The following NUP210 variants were observed in gnomAD, a reference collection of about 807,000 sequenced individuals.
The protein encoded by NUP210 is nucleoporin 210.
In NUP210, 151 loss-of-function variants were observed where a neutral mutation model predicts 196.0. That is an observed-to-expected ratio of 0.77 (90% CI 0.67 to 0.88). The LOEUF (loss-of-function observed/expected upper bound fraction) is 0.88. Among genes scored for constraint, NUP210 ranks in the 40% least tolerant of loss-of-function variants. The probability of loss-of-function intolerance (pLI) is 0.00; values close to 1 mark genes in which losing one functional copy is unlikely to be tolerated. For synonymous variants in NUP210, 1,070 were observed against 1,052.7 expected (o/e 1.02, Z -0.32); for missense variants, 2,314 against 2,493.7 (o/e 0.93, Z 1.53).
At chr3:13,325,753 A>G (rs760634626) in intron 33 of NUP210, 42 bp downstream of exon 33, 2 of 1,601,758 alleles carry the variant, frequency 1.2e-6, no homozygotes, top group South Asian at 1.1e-5. Context: ...CCCGCCTCAC[A>G]GGCCACTGAG....
chr3:13,359,221 C>G (rs9811159), intron 15 of NUP210, among the ~76,000 whole-genome samples: 88,206 of 152,078 alleles, frequency 0.58, 26,764 homozygotes, highest in African/African-American at 0.76. Flanking sequence ...TTGGGAGGGC[C>G]CTAGAGGTAA....
At position 13,355,241 on chromosome 3, in the gene NUP210, G is replaced by C. The variant is rs557111145; in HGVS notation, c.2329-1134C>G. ...CTAGTTTTCCATTCGGGGAGAGGGG[G>C]ATCCTGCAGGAAGAACTACCCTTCT... On this transcript the variant is annotated intron_variant, in intron 16 of 39. Transcript: ENST00000254508. Among the ~76,000 whole-genome samples the C allele has an allele frequency of 4.6e-5, 7 of 152,320 alleles. No homozygotes were observed. In the South Asian group the frequency reaches 1.5e-3, roughly 32 times the overall value.
chr3:13,386,430 C>T (rs556688861), intron 5 of NUP210, 23 bp from the exon 6 acceptor site: 61 of 1,613,272 alleles, frequency 3.8e-5, no homozygotes, highest in Non-Finnish European at 4.8e-5. Flanking sequence ...AAAAGGCAGA[C>T]AAAGTGAGGT....
chr3:13,349,282 CTCGGTCAGGTGAT>C (rs1299393195), intron 20 of NUP210, among the ~76,000 whole-genome samples: 2 of 152,250 alleles, frequency 1.3e-5, no homozygotes, highest in African/African-American at 4.8e-5. Context: ...ACCCCCAGCT[CTCGGTCAGGTGAT>C]TCGTTTCCTA....
intron 1 of NUP210, among the ~76,000 whole-genome samples, chr3:13,410,169 AT>A (rs570689488): frequency 1.5e-4 from 21 of 144,434 alleles, no homozygotes; most frequent in Non-Finnish European, 2.6e-4. Context: ...GCTATTACTG[AT>A]TTTTTTTTCC....
At chr3:13,320,060 G>T in intron 36 of NUP210, 81 bp from the exon 37 acceptor site, 1 of 1,299,706 alleles carries the variant, frequency 7.7e-7, no homozygotes, top group Non-Finnish European at 1.1e-6. Flanking sequence ...CCCCGAGGCG[G>T]GAGGGCTGCT....
At position 13,371,927 on chromosome 3, in the gene NUP210, C is replaced by A. The variant is rs779134650; in HGVS notation, c.1693G>T (p.Gly565Cys). Residue 565 changes from glycine (G) to cysteine (C), a missense_variant, in exon 13 of 40, where the codon GGC becomes TGC. Coordinates refer to ENST00000254508, the MANE Select transcript of NUP210 (RefSeq NM_024923.4). Reference protein sequence around the residue: ...LPLRISGLMPGGASEVVTLSD... With the variant: ...LPLRISGLMPCGASEVVTLSD... ...AAGGTGACCACCTCACTGGCCCCGC[C>A]GGGCATGAGGCCACTGATCCTCAGG... 1.2e-6 allele frequency: 2 copies of A among 1,608,196 alleles called. No homozygotes were observed. Among genetic ancestry groups the A allele is most frequent in the Admixed American group, 1.7e-5 (1 of 59,344 alleles).
chr3:13,325,975 C>T (rs753432847), intron 32 of NUP210, 44 bp from the exon 33 acceptor site: 10 of 1,603,912 alleles, frequency 6.2e-6, no homozygotes, highest in Non-Finnish European at 7.7e-6. Flanking sequence ...CATAGCTGGA[C>T]ACTCCAGTCA....
rs200723069 is a variant in NUP210 at position 13,363,598 on chromosome 3, AG to A, written c.1932+2347del. Among the ~76,000 whole-genome samples, 29 of 152,338 alleles carry A rather than the reference AG, an allele frequency of 1.9e-4. No individual in the cohort carries two copies. In the East Asian group the frequency reaches 5.2e-3, roughly 27 times the overall value. On this transcript the variant is annotated intron_variant, in intron 14 of 39. Coordinates refer to ENST00000254508, the MANE Select transcript of NUP210 (RefSeq NM_024923.4). ...GTGCAGGCTCCTCAGCGGATGTCAA[AG>A]CCCAAATATTCCAAATATTCCTCAC...
chr3:13,391,572 C>T (rs1354471902), intron 3 of NUP210, among the ~76,000 whole-genome samples: 1 of 151,258 alleles, frequency 6.6e-6, no homozygotes, highest in African/African-American at 2.4e-5. Context: ...CCTGCTGTGA[C>T]TCCCTGCCCT....
chr3:13,358,499 C>T (rs916679199), intron 15 of NUP210, 104 bp from the exon 16 acceptor site: 1 of 1,173,120 alleles, frequency 8.5e-7, no homozygotes, highest in Non-Finnish European at 1.2e-6. Flanking sequence ...GTTTTCTCCT[C>T]TATAGGATGG....
intron 1 of NUP210, among the ~76,000 whole-genome samples, chr3:13,410,955 C>T (rs1433254556): frequency 4.7e-5 from 7 of 148,602 alleles, no homozygotes; most frequent in Admixed American, 1.3e-4. Flanking sequence ...GGTGTGGTGG[C>T]ATGCACCTTT....
rs1384260682 is a variant in NUP210, at chr3:13,330,458, A to G, written c.4110+2T>C. 16 of 1,613,608 alleles carry G rather than the reference A, an allele frequency of 9.9e-6. No homozygotes were observed. In the East Asian group the frequency reaches 3.6e-4, roughly 36 times the overall value. Reference sequence around the variant, plus strand: ...CCAAAAAGGAGGAGAATGCAACCCTACCTTTACAGCAACAATGATGGTTTG... The same window carrying G: ...CCAAAAAGGAGGAGAATGCAACCCTGCCTTTACAGCAACAATGATGGTTTG... On this transcript the variant is annotated splice_donor_variant, in intron 30 of 39. Coordinates refer to ENST00000254508, the MANE Select transcript of NUP210 (RefSeq NM_024923.4). LOFTEE classifies it high-confidence loss of function.
chr3:13,341,929 G>A (rs1171069089), intron 22 of NUP210, 46 bp from the exon 23 acceptor site: 2 of 1,613,338 alleles, frequency 1.2e-6, no homozygotes, highest in Non-Finnish European at 8.5e-7. Flanking sequence ...CCACCCCGTG[G>A]GAAAGGCTGC....
rs2280084 is a variant in NUP210 at position 13,354,079 on chromosome 3, C to A, written c.2357G>T (p.Arg786Leu). Residue 786 changes from arginine (R) to leucine (L), a missense_variant, in exon 17 of 40, where the codon CGG becomes CTG. Coordinates refer to ENST00000254508, the MANE Select transcript of NUP210 (RefSeq NM_024923.4). ...CTGGTCGTAAGCAGCCAGGTCCAGC[C>A]GGGGGTTGCGGTGGCTGGACACTGG... ...VVPVSSHRNP[R>L]LDLAAYDQEG... 0.56 allele frequency: 899,229 copies of A among 1,597,778 alleles called. 258,145 individuals carry two copies. The highest frequency in any genetic ancestry group is 0.85 in the African/African-American group (63,172 of 74,614).
rs565649133 is a variant in NUP210, at chr3:13,340,328, A to G, written c.3229-30T>C. The stretch of plus-strand genomic sequence containing the variant: ...TGAGAGACACAGGAGAGAAAGGACT[A>G]CTGTGCCCCAAGCCCATGGCGCCAA... On this transcript the variant is annotated intron_variant, in intron 23 of 39. Coordinates refer to ENST00000254508, the MANE Select transcript of NUP210 (RefSeq NM_024923.4). The surrounding 1 kb of genome is among the most constrained non-coding windows in gnomAD (Gnocchi z 4.0). The G allele has an allele frequency of 1.9e-6, 3 of 1,595,770 alleles. No individual in the cohort carries two copies. In the African/African-American group the frequency reaches 4.0e-5, roughly 21 times the overall value.
intron 20 of NUP210, chr3:13,345,284 G>A (rs1240311104): frequency 1.1e-6 from 1 of 950,042 alleles, no homozygotes; most frequent in African/African-American, 1.8e-5. Context: ...GCTGATTCTG[G>A]TCCAACCACT....
chr3:13,366,515 T>A (rs1253038176), intron 13 of NUP210, among the ~76,000 whole-genome samples: 1 of 127,134 alleles, frequency 7.9e-6, no homozygotes, highest in East Asian at 2.2e-4. Context: ...CTGATTTCTT[T>A]CTTTTTTTTT....
At chr3:13,392,238 A>G (rs1156404955) in intron 3 of NUP210, among the ~76,000 whole-genome samples, 1 of 152,182 alleles carries the variant, frequency 6.6e-6, no homozygotes, top group Non-Finnish European at 1.5e-5. Flanking sequence ...CTGGCCCTGC[A>G]AGGTCTCAAA....
Sources: gnomAD v4.1 joint callset for allele counts (sites outside exome capture counted in the v4.1 genomes callset) on GRCh38, gnomAD v4.1.1 for gene constraint, Gnocchi (gnomAD v3.1) non-coding constraint, MANE v1.5 for transcripts, NCBI Gene and HGNC (gene_info 2026-07-23, HGNC 2026-07-21) for gene names.